Variants in FDFT1 observed in about 807,000 individuals in gnomAD.
FDFT1 encodes farnesyl-diphosphate farnesyltransferase 1, also known as squalene synthase.
In FDFT1, 68 loss-of-function variants were observed where a neutral mutation model predicts 46.8. The ratio of observed to expected loss-of-function variants is 1.45; its 90% CI spans 1.19 to 1.78. FDFT1 has a LOEUF of 1.78. Ranked by LOEUF, FDFT1 falls within the 40% of genes most tolerant of loss-of-function variation. FDFT1 has a pLI of 0.00. For missense variants in FDFT1, 928 were observed against 524.4 expected (o/e 1.77, Z -7.52); for synonymous variants, 351 against 185.1 (o/e 1.90, Z -7.28).
chr8:11,810,855 G>A (rs1352737496), intron 3 of FDFT1, among the ~76,000 whole-genome samples: 1 of 150,910 alleles, frequency 6.6e-6, no homozygotes, highest in East Asian at 2.0e-4. Flanking sequence ...AGCTGAGTTG[G>A]GAGGGAGCTA....
intron 7 of FDFT1, among the ~76,000 whole-genome samples, chr8:11,832,840 T>C (rs1375886996): frequency 6.6e-6 from 1 of 152,154 alleles, no homozygotes. Flanking sequence ...ACCCTCATCA[T>C]TTTTCCTTTG....
chr8:11,830,539 T>C (rs763288176), intron 6 of FDFT1, 119 bp downstream of exon 6: 6 of 717,744 alleles, frequency 8.4e-6, no homozygotes, highest in Middle Eastern at 4.0e-4. Context: ...ATGACTCCAG[T>C]TTATTACGCT....
intron 3 of FDFT1, among the ~76,000 whole-genome samples, chr8:11,810,454 C>A (rs1191556405): frequency 6.6e-6 from 1 of 152,188 alleles, no homozygotes; most frequent in East Asian, 1.9e-4. Context: ...TGGGCAAGTT[C>A]CTTATCTGCT....
At chr8:11,830,456 T>TA in intron 6 of FDFT1, 36 bp downstream of exon 6, 1 of 1,477,084 alleles carries the variant, frequency 6.8e-7, no homozygotes, top group Non-Finnish European at 9.5e-7. Context: ...GATACGGGGC[T>TA]AAAGGGAGTG....
chr8:11,802,663 C>T (rs1806271342), upstream of FDFT1: 2 of 619,212 alleles, frequency 3.2e-6, no homozygotes, highest in Admixed American at 2.8e-5. Context: ...CCGCTGGCGG[C>T]CGAGGCCGGT....
chr8:11,838,357 C>T (rs755974027), intron 7 of FDFT1, 31 bp from the exon 8 acceptor site: 5 of 1,520,658 alleles, frequency 3.3e-6, no homozygotes, highest in Admixed American at 1.7e-5. Flanking sequence ...AAGCACATAG[C>T]ACTTATCATT....
chr8:11,823,860 C>G (rs1016052779), intron 4 of FDFT1, among the ~76,000 whole-genome samples: 62 of 152,182 alleles, frequency 4.1e-4, no homozygotes, highest in African/African-American at 1.4e-3. Context: ...CCTCTCACCT[C>G]AGCCTCCCCA....
At chr8:11,821,173 T>G (rs1354125961) in intron 3 of FDFT1, among the ~76,000 whole-genome samples, 1 of 152,266 alleles carries the variant, frequency 6.6e-6, no homozygotes, top group Admixed American at 6.5e-5. Context: ...CAGCTTTATG[T>G]TGAAGCATCT....
chr8:11,837,318 C>G (rs1407836980), intron 7 of FDFT1, among the ~76,000 whole-genome samples: 1 of 152,206 alleles, frequency 6.6e-6, no homozygotes, highest in African/African-American at 2.4e-5. Flanking sequence ...GCAACCTCCA[C>G]CTCCCAGGCT....
At chr8:11,798,292 T>G (rs181373450), upstream of FDFT1, 42 of 152,330 alleles carry the variant, frequency 2.8e-4, no homozygotes, top group African/African-American at 9.6e-4. Flanking sequence ...AGTCCTGACC[T>G]CAAGTGATCC....
chr8:11,803,255 G>T, intron 1 of FDFT1: 1 of 1,358,600 alleles, frequency 7.4e-7, no homozygotes, highest in Non-Finnish European at 9.7e-7. Context: ...ACACATCTGA[G>T]GCAATGTGGG....
intron 3 of FDFT1, among the ~76,000 whole-genome samples, chr8:11,810,797 G>T (rs866072392): frequency 1.3e-4 from 20 of 152,200 alleles, no homozygotes; most frequent in South Asian, 1.0e-3. Flanking sequence ...ACAGTTGCCA[G>T]AGCTTTTGGA....
At chr8:11,815,297 C>T (rs977376215) in intron 3 of FDFT1, among the ~76,000 whole-genome samples, 7 of 152,068 alleles carry the variant, frequency 4.6e-5, no homozygotes, top group Non-Finnish European at 1.0e-4. Flanking sequence ...GGTTCCAGGT[C>T]TTTGCTATTG....
At chr8:11,803,582 G>T (rs75382158) in intron 1 of FDFT1, 2 of 762,004 alleles carry the variant, frequency 2.6e-6, no homozygotes, top group South Asian at 2.1e-5. Context: ...TTTAATGAAT[G>T]CATAGGAGGT....
upstream of FDFT1, among the ~76,000 whole-genome samples, chr8:11,797,489 G>A (rs746489562): frequency 1.3e-4 from 20 of 150,520 alleles, no homozygotes; most frequent in Non-Finnish European, 3.0e-4. Context: ...CATGTCTCCT[G>A]CCACATTGTA....
At chr8:11,814,534 T>C (rs1808176912) in intron 3 of FDFT1, among the ~76,000 whole-genome samples, 1 of 152,220 alleles carries the variant, frequency 6.6e-6, no homozygotes, top group South Asian at 2.1e-4. Flanking sequence ...TGCAGTATTA[T>C]CTGTAGGCTC....
intron 1 of FDFT1, among the ~76,000 whole-genome samples, chr8:11,806,169 A>AC (rs1201876433): frequency 1.3e-5 from 2 of 151,912 alleles, no homozygotes; most frequent in Non-Finnish European, 2.9e-5. Context: ...CGTCTTCCTG[A>AC]CCACCCCCAC....
intron 4 of FDFT1, among the ~76,000 whole-genome samples, chr8:11,825,138 A>G (rs998053817): frequency 6.6e-5 from 10 of 152,218 alleles, no homozygotes; most frequent in Non-Finnish European, 7.3e-5. Flanking sequence ...ATGTTATCAG[A>G]TTGGTCAAAA....
intron 1 of FDFT1, among the ~76,000 whole-genome samples, chr8:11,805,563 A>G (rs1438690373): frequency 7.9e-5 from 12 of 152,202 alleles, no homozygotes; most frequent in Non-Finnish European, 1.3e-4. Context: ...TTAACCTCTG[A>G]ACCACAGTTA....
Sources: gnomAD v4.1 joint callset for allele counts (sites outside exome capture counted in the v4.1 genomes callset) on GRCh38, gnomAD v4.1.1 for gene constraint, MANE v1.5 for transcripts, NCBI Gene and HGNC (gene_info 2026-07-23, HGNC 2026-07-21) for gene names.